PTPRD: variants seen among roughly 807,000 people sequenced by gnomAD.
The protein encoded by PTPRD is receptor-type tyrosine-protein phosphatase delta.
In PTPRD, 34 loss-of-function variants were observed where a neutral mutation model predicts 214.5. That is an observed-to-expected ratio of 0.16 (90% CI 0.12 to 0.21). PTPRD has a LOEUF of 0.21. Among genes scored for constraint, PTPRD ranks in the 10% least tolerant of loss-of-function variants. The pLI is 1.00. For synonymous variants in PTPRD, 1,128 were observed against 845.7 expected (o/e 1.33, Z -5.79); for missense variants, 2,545 against 2,398.7 (o/e 1.06, Z -1.27).
intron 9 of PTPRD, among the ~76,000 whole-genome samples, chr9:9,200,186 C>T (rs964319836): frequency 6.6e-6 from 1 of 152,130 alleles, no homozygotes; most frequent in Non-Finnish European, 1.5e-5. Flanking sequence ...AAAAACAAAA[C>T]AAAACCATGA....
chr9:9,417,200 AT>A (rs2142226952), intron 8 of PTPRD, among the ~76,000 whole-genome samples: 1 of 152,294 alleles, frequency 6.6e-6, no homozygotes, highest in South Asian at 2.1e-4. Context: ...TTTTTAAGGC[AT>A]TTAGGGAAAG....
chr9:8,997,892 C>G (rs1204358920), intron 11 of PTPRD, among the ~76,000 whole-genome samples: 1 of 152,070 alleles, frequency 6.6e-6, no homozygotes, highest in East Asian at 1.9e-4. Flanking sequence ...ATGGAGAAAG[C>G]TTCAATAGTC....
At chr9:8,682,141 A>G (rs1248075551) in intron 12 of PTPRD, among the ~76,000 whole-genome samples, 2 of 152,194 alleles carry the variant, frequency 1.3e-5, no homozygotes, top group African/African-American at 4.8e-5. Context: ...TAACCACACA[A>G]TGTGCAGAAT....
At chr9:9,788,031 A>AAAGTGGGAG (rs2098938578) in intron 5 of PTPRD, among the ~76,000 whole-genome samples, 2 of 151,216 alleles carry the variant, frequency 1.3e-5, no homozygotes, top group African/African-American at 4.8e-5. Flanking sequence ...GATCCACCCC[A>AAAGTGGGAG]CCTCGGCCTC....
At chr9:9,715,980 T>A (rs1367960837) in intron 7 of PTPRD, among the ~76,000 whole-genome samples, 1 of 152,170 alleles carries the variant, frequency 6.6e-6, no homozygotes. Flanking sequence ...ATTAGGTATA[T>A]GTCCTAAAGC....
intron 12 of PTPRD, among the ~76,000 whole-genome samples, chr9:8,696,227 T>C (rs1368981): frequency 0.25 from 38,068 of 151,984 alleles, 4,910 homozygotes; most frequent in East Asian, 0.33. Context: ...AGGGCTGGCC[T>C]CTACCATTCT....
rs114771977 is a variant in PTPRD at position 9,267,963 on chromosome 9, G to A, written c.-202-84600C>T. Among the ~76,000 whole-genome samples the A allele has an allele frequency of 3.5e-3, 535 of 151,056 alleles. 6 individuals are homozygous for A. Among genetic ancestry groups the A allele is most frequent in the African/African-American group, 0.012 (516 of 41,354 alleles). Reference sequence around the variant, plus strand: ...GTTAAAAGCTTTTCCTCTAAAATCAGGAACAAGACAAGGATGTCCACTCTC... The same window carrying A: ...GTTAAAAGCTTTTCCTCTAAAATCAAGAACAAGACAAGGATGTCCACTCTC... On this transcript the variant is annotated intron_variant, in intron 9 of 45. Transcript: ENST00000381196.
At chr9:8,422,955 T>C (rs949614140) in intron 35 of PTPRD, among the ~76,000 whole-genome samples, 4 of 152,152 alleles carry the variant, frequency 2.6e-5, no homozygotes, top group African/African-American at 9.7e-5. Context: ...ATACTAATTA[T>C]AGCTTCTCAA....
At chr9:9,532,494 C>T (rs1569569060) in intron 8 of PTPRD, among the ~76,000 whole-genome samples, 1 of 152,124 alleles carries the variant, frequency 6.6e-6, no homozygotes, top group Non-Finnish European at 1.5e-5. Context: ...GTTAGGTCCC[C>T]ACCCAGCTGG....
intron 11 of PTPRD, among the ~76,000 whole-genome samples, chr9:8,750,745 C>G (rs960190063): frequency 6.6e-6 from 1 of 152,086 alleles, no homozygotes; most frequent in Non-Finnish European, 1.5e-5. Flanking sequence ...GAGAATGATA[C>G]CAGGCAGACT....
chr9:9,494,510 G>C (rs990190386), intron 8 of PTPRD, among the ~76,000 whole-genome samples: 1 of 152,094 alleles, frequency 6.6e-6, no homozygotes, highest in Non-Finnish European at 1.5e-5. Flanking sequence ...AGCCTCCACC[G>C]GCAAAATGAT....
intron 3 of PTPRD, among the ~76,000 whole-genome samples, chr9:10,091,935 G>A (rs1013472833): frequency 6.6e-6 from 1 of 151,284 alleles, no homozygotes; most frequent in Non-Finnish European, 1.5e-5. Context: ...GATGACCTCG[G>A]CTTCAGAGTA....
chr9:8,552,396 T>A (rs897273672), intron 14 of PTPRD, among the ~76,000 whole-genome samples: 1 of 152,126 alleles, frequency 6.6e-6, no homozygotes, highest in Non-Finnish European at 1.5e-5. Flanking sequence ...GAGTATGACA[T>A]GTGTTTTTGG....
chr9:9,366,638 CAT>C (rs2057960811), intron 9 of PTPRD, among the ~76,000 whole-genome samples: 1 of 151,376 alleles, frequency 6.6e-6, no homozygotes, highest in Non-Finnish European at 1.5e-5. Context: ...GAAATAGAAA[CAT>C]ATCATCCATC....
At chr9:10,456,928 T>C (rs913507617) in intron 2 of PTPRD, among the ~76,000 whole-genome samples, 1 of 151,868 alleles carries the variant, frequency 6.6e-6, no homozygotes, top group Non-Finnish European at 1.5e-5. Context: ...GCTAGGAATA[T>C]GAAGCACATT....
At chr9:8,981,650 G>T (rs1000981680) in intron 11 of PTPRD, among the ~76,000 whole-genome samples, 2 of 151,948 alleles carry the variant, frequency 1.3e-5, no homozygotes, top group Non-Finnish European at 2.9e-5. Context: ...GAGCAAAAAA[G>T]GAGACTGGGC....
intron 9 of PTPRD, among the ~76,000 whole-genome samples, chr9:9,186,986 A>G (rs2099932035): frequency 6.6e-6 from 1 of 151,354 alleles, no homozygotes. Context: ...ATGACTCTTG[A>G]GTATTATATA....
intron 5 of PTPRD, among the ~76,000 whole-genome samples, chr9:9,846,755 G>A (rs2059608232): frequency 6.6e-6 from 1 of 152,128 alleles, no homozygotes; most frequent in Non-Finnish European, 1.5e-5. Context: ...TATTAGTGCT[G>A]ACACTGCTTG....
chr9:9,418,816 C>G (rs78254142), intron 8 of PTPRD, among the ~76,000 whole-genome samples: 2 of 151,774 alleles, frequency 1.3e-5, no homozygotes, highest in African/African-American at 4.8e-5. Context: ...TATATTTGAA[C>G]CAGACTGGTT....
Sources: allele counts gnomAD v4.1 joint callset (sites outside exome capture counted in the v4.1 genomes callset), GRCh38; gene constraint gnomAD v4.1.1; transcripts MANE v1.5; gene names NCBI Gene and HGNC (gene_info 2026-07-23, HGNC 2026-07-21).